Variants in ZMAT4 observed in about 807,000 individuals in gnomAD.
ZMAT4 encodes the protein zinc finger matrin-type protein 4.
Under a neutral mutation model 28.7 loss-of-function variants are expected in ZMAT4, and 17 were observed. The observed-to-expected ratio is 0.59, with a 90% CI of 0.41 to 0.89. The LOEUF is 0.89. Ranked by LOEUF, ZMAT4 falls within the 40% of genes least tolerant of loss-of-function variation. The pLI, the probability that ZMAT4 is intolerant of heterozygous loss-of-function variation, is 0.00. For missense variants in ZMAT4, 240 were observed against 283.8 expected, an observed-to-expected ratio of 0.85 and a Z score of 1.11; for synonymous variants, 117 against 109.2, an observed-to-expected ratio of 1.07 and a Z score of -0.44.
intron 1 of ZMAT4, among the ~76,000 whole-genome samples, chr8:40,862,584 T>TAAAAAAAAAAAAAAAAAAAAAAATAAA (rs398007582): frequency 9.1e-6 from 1 of 109,952 alleles, no homozygotes; most frequent in Non-Finnish European, 1.8e-5. Context: ...AAAAAAAAAT[T>TAAAAAAAAAAAAAAAAAAAAAAATAAA]AAAAAAAAAA....
intron 3 of ZMAT4, among the ~76,000 whole-genome samples, chr8:40,704,715 G>A (rs1365292994): frequency 6.6e-6 from 1 of 152,124 alleles, no homozygotes; most frequent in African/African-American, 2.4e-5. Flanking sequence ...GACTTGACAT[G>A]GCCATTCATT....
chr8:40,743,031 G>A (rs1812079138), intron 3 of ZMAT4, among the ~76,000 whole-genome samples: 1 of 151,876 alleles, frequency 6.6e-6, no homozygotes. Context: ...GGCCAACATG[G>A]TGAAACCCCA....
chr8:40,806,524 C>T lies in ZMAT4; in HGVS notation c.102+19051G>A, dbSNP rs754575694. ...CTCTGTATACGAAACAACCACATTT[C>T]GTTTTTAATTATTAAATATATTATG... On this transcript the variant is annotated intron_variant, in intron 2 of 6. Coordinates refer to ENST00000297737, the MANE Select transcript of ZMAT4 (RefSeq NM_024645.3). 1.4e-4 allele frequency among the ~76,000 whole-genome samples: 21 copies of T among 152,204 alleles called. No individual in the cohort carries two copies. The East Asian group carries it at 3.9e-3, about 28-fold the overall frequency.
intron 2 of ZMAT4, among the ~76,000 whole-genome samples, chr8:40,803,237 A>T (rs1208812095): frequency 6.6e-6 from 1 of 152,194 alleles, no homozygotes; most frequent in African/African-American, 2.4e-5. Context: ...CTTTAATAAA[A>T]TTAAAAATTT....
chr8:40,658,179 G>A (rs1166052653), intron 5 of ZMAT4, among the ~76,000 whole-genome samples: 1 of 151,898 alleles, frequency 6.6e-6, no homozygotes, highest in Non-Finnish European at 1.5e-5. Context: ...ATATCCTTGA[G>A]CATAATTATA....
intron 1 of ZMAT4, among the ~76,000 whole-genome samples, chr8:40,866,605 A>C (rs2150649949): frequency 6.6e-6 from 1 of 152,238 alleles, no homozygotes; most frequent in Admixed American, 6.5e-5. Context: ...TTTCCCCCTA[A>C]GTTCCTAAAA....
intron 6 of ZMAT4, among the ~76,000 whole-genome samples, chr8:40,566,895 T>C (rs1258787451): frequency 6.6e-6 from 1 of 152,044 alleles, no homozygotes; most frequent in East Asian, 1.9e-4. Flanking sequence ...GAAAACAGAA[T>C]GTATTATTTG....
intron 5 of ZMAT4, among the ~76,000 whole-genome samples, chr8:40,640,358 C>T (rs1228977046): frequency 6.6e-6 from 1 of 152,112 alleles, no homozygotes; most frequent in Non-Finnish European, 1.5e-5. Flanking sequence ...TCCAATAGGT[C>T]CATTTATTTA....
At chr8:40,543,364 A>G (rs1803102774) in intron 6 of ZMAT4, among the ~76,000 whole-genome samples, 1 of 152,216 alleles carries the variant, frequency 6.6e-6, no homozygotes, top group South Asian at 2.1e-4. Flanking sequence ...AGCAAAGCCC[A>G]TACTGCAAAG....
chr8:40,595,270 T>C (rs1324969161), intron 5 of ZMAT4, among the ~76,000 whole-genome samples: 5 of 152,138 alleles, frequency 3.3e-5, no homozygotes, highest in Non-Finnish European at 1.5e-5. Flanking sequence ...TTTCCAACTG[T>C]TCAGACTGAT....
intron 5 of ZMAT4, among the ~76,000 whole-genome samples, chr8:40,660,594 T>C (rs1470352326): frequency 6.6e-6 from 1 of 152,220 alleles, no homozygotes; most frequent in African/African-American, 2.4e-5. Context: ...CAAAGCACCA[T>C]AGAATTTAAT....
chr8:40,606,556 C>T (rs1438112295), intron 5 of ZMAT4, among the ~76,000 whole-genome samples: 5 of 152,246 alleles, frequency 3.3e-5, no homozygotes, highest in Non-Finnish European at 7.3e-5. Flanking sequence ...TGCTGTTAAT[C>T]TATTAGGTTT....
intron 5 of ZMAT4, among the ~76,000 whole-genome samples, chr8:40,625,532 G>A (rs1333916282): frequency 2.6e-5 from 4 of 151,962 alleles, no homozygotes; most frequent in African/African-American, 4.8e-5. Flanking sequence ...GAGAATACTG[G>A]GTTTATAGAC....
intron 1 of ZMAT4, among the ~76,000 whole-genome samples, chr8:40,871,174 G>T (rs1817841885): frequency 6.6e-6 from 1 of 152,150 alleles, no homozygotes; most frequent in Non-Finnish European, 1.5e-5. Context: ...AGAGACATCA[G>T]GCACTAGTTT....
At chr8:40,546,407 G>A (rs17636886) in intron 6 of ZMAT4, among the ~76,000 whole-genome samples, 6,656 of 152,058 alleles carry the variant, frequency 0.044, 185 homozygotes, top group South Asian at 0.097. Context: ...AGTGGGATTC[G>A]AGGTGTTAGG....
At chr8:40,714,415 TCA>T (rs1300353361) in intron 3 of ZMAT4, among the ~76,000 whole-genome samples, 165 of 152,344 alleles carry the variant, frequency 1.1e-3, no homozygotes, top group African/African-American at 3.7e-3. Flanking sequence ...TGTGGTATAG[TCA>T]TATATTGATA....
chr8:40,722,698 A>G (rs1811152552), intron 3 of ZMAT4, among the ~76,000 whole-genome samples: 1 of 152,126 alleles, frequency 6.6e-6, no homozygotes, highest in African/African-American at 2.4e-5. Context: ...CACCACCAAC[A>G]AACACCCTCC....
At chr8:40,780,849 G>T (rs944770629) in intron 2 of ZMAT4, among the ~76,000 whole-genome samples, 3 of 152,118 alleles carry the variant, frequency 2.0e-5, no homozygotes, top group African/African-American at 7.2e-5. Context: ...ACCCTCTCAT[G>T]ACAAAAACAC....
chr8:40,804,053 A>C (rs539597807), intron 2 of ZMAT4, among the ~76,000 whole-genome samples: 1 of 152,230 alleles, frequency 6.6e-6, no homozygotes, highest in South Asian at 2.1e-4. Context: ...CACAGTAAAA[A>C]GATCAGTGGT....
Sources: gnomAD v4.1 joint callset for allele counts (sites outside exome capture counted in the v4.1 genomes callset) on GRCh38, gnomAD v4.1.1 for gene constraint, MANE v1.5 for transcripts, NCBI Gene and HGNC (gene_info 2026-07-23, HGNC 2026-07-21) for gene names.